The following ADGRL3 variants were observed in gnomAD, a reference collection of about 807,000 sequenced individuals.
The protein encoded by ADGRL3 is calcium-independent alpha-latrotoxin receptor 3.
ADGRL3 carries 62 observed loss-of-function variants against 153.5 expected under a neutral mutation model. The ratio of observed to expected loss-of-function variants is 0.40; its 90% CI spans 0.33 to 0.50. ADGRL3 has a LOEUF of 0.50. Ranked by LOEUF, ADGRL3 falls within the 20% of genes least tolerant of loss-of-function variation. The pLI, the probability that ADGRL3 is intolerant of heterozygous loss-of-function variation, is 0.47. For missense variants in ADGRL3, 1,641 were observed against 1,859.4 expected (o/e 0.88, Z 2.16); for synonymous variants, 710 against 672.5 (o/e 1.06, Z -0.86).
At chr4:61,628,323 A>C (rs201805196) in intron 5 of ADGRL3, among the ~76,000 whole-genome samples, 1 of 152,156 alleles carries the variant, frequency 6.6e-6, no homozygotes, top group Non-Finnish European at 1.5e-5. Flanking sequence ...CTTACCCTGC[A>C]CTGCCAATCT....
intron 1 of ADGRL3, among the ~76,000 whole-genome samples, chr4:61,362,117 C>T (rs2096292421): frequency 6.6e-6 from 1 of 151,228 alleles, no homozygotes; most frequent in Non-Finnish European, 1.5e-5. Flanking sequence ...ATTTTCCCAC[C>T]TCAGCCTCCC....
At chr4:61,523,407 A>G (rs945584653) in intron 4 of ADGRL3, among the ~76,000 whole-genome samples, 1 of 152,072 alleles carries the variant, frequency 6.6e-6, no homozygotes, top group Non-Finnish European at 1.5e-5. Flanking sequence ...CTTCTTCTAT[A>G]TGACACTGTA....
intron 4 of ADGRL3, among the ~76,000 whole-genome samples, chr4:61,533,520 T>G (rs1243442042): frequency 1.3e-5 from 2 of 152,208 alleles, no homozygotes; most frequent in African/African-American, 4.8e-5. Context: ...GTTTCACCAT[T>G]ACTTACCTCA....
chr4:61,370,242 T>C (rs1032840850), intron 1 of ADGRL3, among the ~76,000 whole-genome samples: 62 of 151,252 alleles, frequency 4.1e-4, no homozygotes, highest in African/African-American at 1.4e-3. Context: ...AGTTCTGCTC[T>C]GATTTTAGTT....
chr4:61,514,735 T>C (rs2098482423), intron 3 of ADGRL3, among the ~76,000 whole-genome samples: 1 of 152,190 alleles, frequency 6.6e-6, no homozygotes, highest in African/African-American at 2.4e-5. Flanking sequence ...CTTAAGCTCC[T>C]GGTATTTTGT....
chr4:61,392,434 C>A (rs1396423291), intron 2 of ADGRL3, among the ~76,000 whole-genome samples: 1 of 150,734 alleles, frequency 6.6e-6, no homozygotes, highest in Admixed American at 6.6e-5. Flanking sequence ...CGCCTGTAAT[C>A]CCAGCACTTT....
chr4:61,327,993 G>A (rs2095497937), intron 1 of ADGRL3, among the ~76,000 whole-genome samples: 1 of 152,124 alleles, frequency 6.6e-6, no homozygotes, highest in South Asian at 2.1e-4. Flanking sequence ...AAGGCATTCA[G>A]TAAAATGGTA....
intron 4 of ADGRL3, among the ~76,000 whole-genome samples, chr4:61,569,604 G>A (rs1247122305): frequency 6.6e-6 from 1 of 151,536 alleles, no homozygotes; most frequent in African/African-American, 2.4e-5. Flanking sequence ...CAAGCCCTAG[G>A]CAACTTCTAA....
chr4:61,913,261 G>A lies in ADGRL3; in HGVS notation c.2112+504G>A, dbSNP rs548236692. On this transcript the variant is annotated intron_variant, in intron 13 of 26. Transcript: ENST00000683033. ...TTATTGCAAAAACTGTAATCCCAAT[G>A]TAAATGTACTTTGTTTCGGCTGACA... Among the ~76,000 whole-genome samples, 9 of 152,196 alleles carry A rather than the reference G, an allele frequency of 5.9e-5. No individual in the cohort carries two copies. In the East Asian group the frequency reaches 1.5e-3, roughly 26 times the overall value.
chr4:61,661,283 CTG>C (rs2094585816), intron 5 of ADGRL3, among the ~76,000 whole-genome samples: 1 of 151,966 alleles, frequency 6.6e-6, no homozygotes, highest in African/African-American at 2.4e-5. Context: ...TGCATACAAT[CTG>C]TTGTGAATAA....
At chr4:61,379,908 A>G (rs1404553369) in intron 1 of ADGRL3, among the ~76,000 whole-genome samples, 1 of 151,974 alleles carries the variant, frequency 6.6e-6, no homozygotes, top group Non-Finnish European at 1.5e-5. Context: ...AGGCAGTAAT[A>G]ATCAGTATGT....
chr4:61,206,787 A>C (rs1284491269), intron 1 of ADGRL3, among the ~76,000 whole-genome samples: 2 of 151,860 alleles, frequency 1.3e-5, no homozygotes, highest in Non-Finnish European at 2.9e-5. Flanking sequence ...TTTGAGACCA[A>C]CCTGACCAAC....
At chr4:62,066,967 A>G (rs1743291590) in intron 25 of ADGRL3, among the ~76,000 whole-genome samples, 1 of 152,078 alleles carries the variant, frequency 6.6e-6, no homozygotes, top group African/African-American at 2.4e-5. Context: ...ATTGAATTTC[A>G]ATGATCTCTC....
intron 21 of ADGRL3, among the ~76,000 whole-genome samples, chr4:62,009,568 A>G (rs1323485672): frequency 6.6e-6 from 1 of 152,198 alleles, no homozygotes; most frequent in South Asian, 2.1e-4. Flanking sequence ...GTTAATAATG[A>G]TAATGTTTTA....
intron 1 of ADGRL3, among the ~76,000 whole-genome samples, chr4:61,325,391 A>G (rs1161920422): frequency 6.6e-6 from 1 of 152,214 alleles, no homozygotes; most frequent in East Asian, 1.9e-4. Context: ...ATTTTTATTT[A>G]TGTTGTAGAG....
intron 8 of ADGRL3, among the ~76,000 whole-genome samples, chr4:61,770,765 C>T (rs2097075019): frequency 6.6e-6 from 1 of 152,162 alleles, no homozygotes; most frequent in African/African-American, 2.4e-5. Flanking sequence ...ATTACATTAT[C>T]TTGAATTTGC....
chr4:61,833,071 A>C (rs933939509), intron 9 of ADGRL3, among the ~76,000 whole-genome samples: 12 of 152,182 alleles, frequency 7.9e-5, no homozygotes, highest in African/African-American at 2.7e-4. Context: ...CTAGAAATTA[A>C]AAGAAAAAAG....
intron 2 of ADGRL3, among the ~76,000 whole-genome samples, chr4:61,491,709 G>A (rs1052805809): frequency 2.0e-5 from 3 of 151,950 alleles, no homozygotes; most frequent in Non-Finnish European, 2.9e-5. Context: ...CATGAGCCAC[G>A]ATGCCTGTCC....
chr4:61,325,535 G>A (rs536000681), intron 1 of ADGRL3, among the ~76,000 whole-genome samples: 1 of 152,184 alleles, frequency 6.6e-6, no homozygotes, highest in East Asian at 1.9e-4. Flanking sequence ...TTGTTTAACA[G>A]GCTTATTTTC....
Sources: gnomAD v4.1 joint callset for allele counts (sites outside exome capture counted in the v4.1 genomes callset) on GRCh38, gnomAD v4.1.1 for gene constraint, MANE v1.5 for transcripts, NCBI Gene and HGNC (gene_info 2026-07-23, HGNC 2026-07-21) for gene names.